Variants in PIP4K2A observed in about 807,000 individuals in gnomAD.
The protein encoded by PIP4K2A is phosphatidylinositol-5-phosphate 4-kinase type 2 alpha, also known as phosphatidylinositol 5-phosphate 4-kinase type-2 alpha.
Under a neutral mutation model 42.9 loss-of-function variants are expected in PIP4K2A, and 14 were observed. The observed-to-expected ratio is 0.33, with a 90% confidence interval of 0.22 to 0.51. The LOEUF (loss-of-function observed/expected upper bound fraction) is 0.51. Ranked by LOEUF, PIP4K2A falls within the 20% of genes least tolerant of loss-of-function variation. The pLI is 0.97. For synonymous variants in PIP4K2A, 192 were observed against 192.2 expected, an observed-to-expected ratio of 1.00 and a Z score of 0.01; for missense variants, 434 against 519.8, an observed-to-expected ratio of 0.83 and a Z score of 1.61.
At chr10:22,583,482 A>G (rs1837323915) in intron 4 of PIP4K2A, among the ~76,000 whole-genome samples, 1 of 152,160 alleles carries the variant, frequency 6.6e-6, no homozygotes, top group South Asian at 2.1e-4. Flanking sequence ...GATCCAAGCC[A>G]AGGTGTTGGA....
At chr10:22,663,315 A>T (rs1839243814) in intron 1 of PIP4K2A, among the ~76,000 whole-genome samples, 1 of 152,214 alleles carries the variant, frequency 6.6e-6, no homozygotes, top group East Asian at 1.9e-4. Flanking sequence ...TATGCCAAGA[A>T]CTGGCATACA....
chr10:22,693,769 T>G lies in PIP4K2A; in HGVS notation c.144+20414A>C, dbSNP rs372643110. On this transcript the variant is annotated intron_variant, in intron 1 of 9. Transcript: ENST00000376573. ...CCTCGCTCTATCACTGAGCACTGTTTCTTTATTTTACTGTCTCAGCTTTCT... is the reference window on the plus strand; with the variant it reads ...CCTCGCTCTATCACTGAGCACTGTTGCTTTATTTTACTGTCTCAGCTTTCT... Among the ~76,000 whole-genome samples, 41 of 152,184 alleles carry G rather than the reference T, an allele frequency of 2.7e-4. 1 individual carries two copies. The highest frequency in any genetic ancestry group is 2.4e-3 in the Admixed American group (37 of 15,278).
Position 22,604,960 on chromosome 10 carries a change from G to A in PIP4K2A, c.339+2967C>T, listed in dbSNP as rs144206972. On this transcript the variant is annotated intron_variant, in intron 3 of 9. Coordinates refer to ENST00000376573, the MANE Select transcript of PIP4K2A (RefSeq NM_005028.5). ...TGCAGTATACAGGGGCCTGCGAGGTGACCCTGGAGCCAGAGCTGTCACAAC... is the reference window on the plus strand; with the variant it reads ...TGCAGTATACAGGGGCCTGCGAGGTAACCCTGGAGCCAGAGCTGTCACAAC... Among the ~76,000 whole-genome samples the A allele has an allele frequency of 3.1e-3, 468 of 152,298 alleles. 4 individuals are homozygous for A. The highest frequency in any genetic ancestry group is 9.4e-3 in the African/African-American group (390 of 41,564).
At chr10:22,630,977 A>C (rs1838534873) in intron 1 of PIP4K2A, among the ~76,000 whole-genome samples, 1 of 152,198 alleles carries the variant, frequency 6.6e-6, no homozygotes, top group South Asian at 2.1e-4. Context: ...CAACAGGGAC[A>C]AGAGAGTAGG....
At chr10:22,586,800 G>A (rs1298085379) in intron 4 of PIP4K2A, among the ~76,000 whole-genome samples, 2 of 152,086 alleles carry the variant, frequency 1.3e-5, no homozygotes, top group Non-Finnish European at 2.9e-5. Flanking sequence ...CAAAGTGCTG[G>A]GATTACAGAC....
intron 6 of PIP4K2A, among the ~76,000 whole-genome samples, chr10:22,555,444 G>A (rs1206728619): frequency 6.6e-6 from 1 of 152,176 alleles, no homozygotes; most frequent in East Asian, 1.9e-4. Flanking sequence ...ATGTTCTCAA[G>A]TATGGCTTAT....
intron 1 of PIP4K2A, among the ~76,000 whole-genome samples, chr10:22,642,822 C>T (rs925304560): frequency 2.0e-5 from 3 of 152,026 alleles, no homozygotes; most frequent in Admixed American, 2.0e-4. Context: ...TCATTCTAAC[C>T]TCCAACAATC....
At chr10:22,633,833 C>A (rs1838605326) in intron 1 of PIP4K2A, among the ~76,000 whole-genome samples, 1 of 152,108 alleles carries the variant, frequency 6.6e-6, no homozygotes. Flanking sequence ...AGCGGGAGGC[C>A]AAGCAAGCGA....
intron 6 of PIP4K2A, among the ~76,000 whole-genome samples, chr10:22,555,614 T>C (rs1467214132): frequency 6.6e-6 from 1 of 152,198 alleles, no homozygotes; most frequent in Non-Finnish European, 1.5e-5. Flanking sequence ...GGGTAATTAA[T>C]AATACTGTAC....
intron 1 of PIP4K2A, among the ~76,000 whole-genome samples, chr10:22,650,583 G>A (rs1426760752): frequency 1.3e-5 from 2 of 152,192 alleles, no homozygotes; most frequent in Non-Finnish European, 2.9e-5. Context: ...GTGATATTGT[G>A]AACAAGCTGG....
intron 1 of PIP4K2A, among the ~76,000 whole-genome samples, chr10:22,698,863 T>C (rs1354424818): frequency 6.6e-6 from 1 of 152,226 alleles, no homozygotes; most frequent in Non-Finnish European, 1.5e-5. Flanking sequence ...AAATATGCTA[T>C]GTATCTGTAC....
At chr10:22,601,161 AAAC>A (rs545046639) in intron 3 of PIP4K2A, among the ~76,000 whole-genome samples, 11,524 of 91,586 alleles carry the variant, frequency 0.13, 3,709 homozygotes, top group East Asian at 0.24. Context: ...AAAAAAAAAA[AAAC>A]AAACCAGGAA....
At chr10:22,699,452 T>A (rs923615164) in intron 1 of PIP4K2A, among the ~76,000 whole-genome samples, 3 of 151,504 alleles carry the variant, frequency 2.0e-5, no homozygotes, top group Non-Finnish European at 4.4e-5. Context: ...AGGTAGCTGC[T>A]GAGTAGCGCA....
intron 9 of PIP4K2A, among the ~76,000 whole-genome samples, chr10:22,538,147 T>C (rs1233114552): frequency 2.6e-5 from 4 of 152,234 alleles, no homozygotes; most frequent in Non-Finnish European, 5.9e-5. Context: ...ACCGGGGAAC[T>C]TGTAATATTT....
chr10:22,603,669 T>C (rs1393136418), intron 3 of PIP4K2A, among the ~76,000 whole-genome samples: 1 of 152,144 alleles, frequency 6.6e-6, no homozygotes, highest in Non-Finnish European at 1.5e-5. Flanking sequence ...GCCTGACATG[T>C]GGTAGGTACA....
intron 7 of PIP4K2A, among the ~76,000 whole-genome samples, chr10:22,547,561 ATCCCACTAC>A (rs1836287443): frequency 6.6e-6 from 1 of 152,170 alleles, no homozygotes; most frequent in Non-Finnish European, 1.5e-5. Context: ...GCTGCCACCC[ATCCCACTAC>A]TCCCACCGCC....
At chr10:22,564,687 A>G (rs1344533301) in intron 6 of PIP4K2A, among the ~76,000 whole-genome samples, 1 of 152,210 alleles carries the variant, frequency 6.6e-6, no homozygotes, top group African/African-American at 2.4e-5. Flanking sequence ...CCAGTGCCTT[A>G]GAGGGGGTTT....
At position 22,607,309 on chromosome 10, in the gene PIP4K2A, G is replaced by C. The variant is rs139940633; in HGVS notation, c.339+618C>G. On this transcript the variant is annotated intron_variant, in intron 3 of 9. Coordinates refer to ENST00000376573, the MANE Select transcript of PIP4K2A (RefSeq NM_005028.5). ...TTAGAATGAAGGACCAGGCCAGTGTGGGGAGGAGAGCAGCAGTGCACATTT... is the reference window on the plus strand; with the variant it reads ...TTAGAATGAAGGACCAGGCCAGTGTCGGGAGGAGAGCAGCAGTGCACATTT... Among the ~76,000 whole-genome samples, 390 of 152,312 alleles carry C rather than the reference G, an allele frequency of 2.6e-3. 4 individuals are homozygous for C. The highest frequency in any genetic ancestry group is 8.7e-3 in the African/African-American group (362 of 41,554).
chr10:22,698,699 A>G (rs775437118), intron 1 of PIP4K2A, among the ~76,000 whole-genome samples: 3 of 152,242 alleles, frequency 2.0e-5, no homozygotes, highest in African/African-American at 7.2e-5. Flanking sequence ...AATAATTGTT[A>G]AGAATACATA....
Sources: gnomAD v4.1 joint callset for allele counts (sites outside exome capture counted in the v4.1 genomes callset) on GRCh38, gnomAD v4.1.1 for gene constraint, MANE v1.5 for transcripts, NCBI Gene and HGNC (gene_info 2026-07-23, HGNC 2026-07-21) for gene names.